The following SLC7A6 variants were observed in gnomAD, a reference collection of about 807,000 sequenced individuals.
SLC7A6 encodes Y+L amino acid transporter 2.
In SLC7A6, 29 loss-of-function variants were observed where a neutral mutation model predicts 46.6. The observed-to-expected ratio is 0.62, with a 90% CI of 0.46 to 0.85. The LOEUF (loss-of-function observed/expected upper bound fraction) is 0.85, where lower values mean the gene tolerates loss of function less well. SLC7A6 is among the 40% of genes least tolerant of loss of function. The probability of loss-of-function intolerance (pLI) is 0.00; values close to 1 mark genes in which losing one functional copy is unlikely to be tolerated. For missense variants in SLC7A6, 527 were observed against 647.6 expected, an observed-to-expected ratio of 0.81 and a Z score of 2.02; for synonymous variants, 276 against 257.3, an observed-to-expected ratio of 1.07 and a Z score of -0.70.
In SLC7A6 at chr16:68,290,393, C is replaced by A; in HGVS notation, c.650-3C>A. On this transcript the variant is annotated splice_region_variant and splice_polypyrimidine_tract_variant and intron_variant, in intron 4 of 10. Transcript: ENST00000219343. ...AACCCCTCACCTGCCTTTGCCCCCACAGGACACTCTGAGCACTTTCAGGAC... is the reference window on the plus strand; with the variant it reads ...AACCCCTCACCTGCCTTTGCCCCCAAAGGACACTCTGAGCACTTTCAGGAC... The A allele has an allele frequency of 1.2e-6, 2 of 1,613,992 alleles. No individual in the cohort carries two copies. Among genetic ancestry groups the A allele is most frequent in the Non-Finnish European group, 1.7e-6 (2 of 1,180,010 alleles).
intron 2 of SLC7A6, among the ~76,000 whole-genome samples, chr16:68,272,739 C>T (rs963606723): frequency 6.6e-6 from 1 of 152,182 alleles, no homozygotes; most frequent in African/African-American, 2.4e-5. Context: ...CTCAATCCCT[C>T]CTCCCAGCTA....
chr16:68,295,965 C>G (rs558249756), intron 8 of SLC7A6, among the ~76,000 whole-genome samples: 1 of 152,238 alleles, frequency 6.6e-6, no homozygotes. Flanking sequence ...GGCCTGAGGA[C>G]AGTGAGATGG....
In SLC7A6 at chr16:68,294,816, G is replaced by C. The variant is rs1198441020; in HGVS notation, c.1119+15G>C. On this transcript the variant is annotated intron_variant, in intron 8 of 10. Coordinates refer to ENST00000219343, the MANE Select transcript of SLC7A6 (RefSeq NM_003983.6). ...TACTGTTCAATGTAAGCTTTGCTGGGACCACGGGGCTCAGGTGGATCTGTG... is the reference window on the plus strand; with the variant it reads ...TACTGTTCAATGTAAGCTTTGCTGGCACCACGGGGCTCAGGTGGATCTGTG... 1.9e-6 allele frequency: 3 copies of C among 1,576,280 alleles called. No individual in the cohort carries two copies. Among genetic ancestry groups the C allele is most frequent in the Non-Finnish European group, 2.6e-6 (3 of 1,145,634 alleles).
intron 3 of SLC7A6, among the ~76,000 whole-genome samples, chr16:68,285,013 G>A (rs2042902419): frequency 6.6e-6 from 1 of 151,838 alleles, no homozygotes; most frequent in South Asian, 2.1e-4. Context: ...TGGGACTCCA[G>A]GTGTGCACCG....
In SLC7A6 at chr16:68,301,227, A is replaced by G. The variant is rs1432433710; in HGVS notation, c.*3899A>G. ...CAGCAGGGCAGTTAACTCTGGACTC[A>G]GAGCCCTCAAGGGCATGTGGCAGAA... On this transcript the variant is annotated 3_prime_UTR_variant, in exon 11 of 11. Coordinates refer to ENST00000219343, the MANE Select transcript of SLC7A6 (RefSeq NM_003983.6). 1.3e-6 allele frequency: 2 copies of G among 1,590,476 alleles called. No homozygotes were observed. Among genetic ancestry groups the G allele is most frequent in the South Asian group, 2.3e-5 (2 of 88,320 alleles).
intron 3 of SLC7A6, among the ~76,000 whole-genome samples, chr16:68,278,534 C>CG (rs2042761356): frequency 2.6e-5 from 4 of 150,962 alleles, no homozygotes; most frequent in Admixed American, 2.6e-4. Flanking sequence ...ATGCTGCCTT[C>CG]AAGCATCTGT....
chr16:68,267,594 T>TA (rs1246959889), intron 2 of SLC7A6, among the ~76,000 whole-genome samples: 1 of 152,192 alleles, frequency 6.6e-6, no homozygotes, highest in Non-Finnish European at 1.5e-5. Context: ...GAGGGGGGAA[T>TA]AAAAAGATTT....
At chr16:68,293,020 GT>G (rs1396088069) in intron 7 of SLC7A6, among the ~76,000 whole-genome samples, 3 of 152,172 alleles carry the variant, frequency 2.0e-5, no homozygotes, top group African/African-American at 4.8e-5. Context: ...ATAAGAGAGA[GT>G]TTTGTCCCGT....
intron 5 of SLC7A6, 170 bp from the exon 6 acceptor site, chr16:68,291,039 G>C: frequency 1.4e-6 from 1 of 733,696 alleles, no homozygotes; most frequent in Non-Finnish European, 2.3e-6. Flanking sequence ...AGAGAAAGTT[G>C]GGTCTTTCTC....
At chr16:68,287,306 T>C in intron 3 of SLC7A6, 1 of 1,288,106 alleles carries the variant, frequency 7.8e-7, no homozygotes, top group South Asian at 1.2e-5. Flanking sequence ...CAAAACACTG[T>C]CTCTCTAATT....
Position 68,274,698 on chromosome 16 carries a change from C to A in SLC7A6, c.-29C>A, listed in dbSNP as rs1422429935. The A allele has an allele frequency of 6.2e-7, 1 of 1,610,898 alleles. No homozygotes were observed. The highest frequency in any genetic ancestry group is 2.2e-5 in the East Asian group (1 of 44,816). ...ACTTGTATTCTTTGCCAGGCCACAG[C>A]AAACACAGGTGTGCAGGAACCGTTT... is the stretch of plus-strand genomic sequence containing the variant. On this transcript the variant is annotated 5_prime_UTR_variant, in exon 3 of 11. Transcript: ENST00000219343.
intron 3 of SLC7A6, among the ~76,000 whole-genome samples, chr16:68,276,718 C>T (rs2042718690): frequency 6.6e-6 from 1 of 152,042 alleles, no homozygotes. Context: ...GTTTATTAGG[C>T]CAGGCATGGT....
intron 3 of SLC7A6, 109 bp from the exon 4 acceptor site, chr16:68,287,637 C>G: frequency 1.9e-6 from 3 of 1,541,034 alleles, no homozygotes; most frequent in Non-Finnish European, 2.6e-6. Flanking sequence ...GGTCCATTGG[C>G]CCCTTTGCCT....
chr16:68,292,010 T>A (rs1382727251), intron 7 of SLC7A6: 2 of 241,280 alleles, frequency 8.3e-6, no homozygotes, highest in South Asian at 1.3e-4. Flanking sequence ...TGGTAGCTCA[T>A]GTTTCCATCT....
chr16:68,275,582 C>G (rs1423459063), intron 3 of SLC7A6, among the ~76,000 whole-genome samples: 1 of 78,312 alleles, frequency 1.3e-5, no homozygotes, highest in Non-Finnish European at 2.4e-5. Context: ...GCAACAAGAG[C>G]AAAACTCTGT....
At chr16:68,289,838 G>T (rs1054700671) in intron 4 of SLC7A6, among the ~76,000 whole-genome samples, 1 of 152,152 alleles carries the variant, frequency 6.6e-6, no homozygotes, top group Non-Finnish European at 1.5e-5. Flanking sequence ...CATAGCTACC[G>T]CAAGTAGAGC....
intron 8 of SLC7A6, among the ~76,000 whole-genome samples, chr16:68,295,774 A>T (rs2043152491): frequency 6.6e-6 from 1 of 152,326 alleles, no homozygotes; most frequent in South Asian, 2.1e-4. Flanking sequence ...ATGCTGTCTT[A>T]TGTCTGGATG....
Position 68,301,657 on chromosome 16 carries a change from CT to C in SLC7A6, c.*4330del. 1 of 312,056 alleles carries C rather than the reference CT, an allele frequency of 3.2e-6. No homozygotes were observed. The highest frequency in any genetic ancestry group is 5.9e-5 in the East Asian group (1 of 17,040). 19.3% of individuals were successfully genotyped at this position (312,056 alleles called of 1,614,324 possible). A position where few individuals can be genotyped will look rare whatever the true frequency, so the allele number is the denominator to read the frequency against. On this transcript the variant is annotated 3_prime_UTR_variant, in exon 11 of 11. Coordinates refer to ENST00000219343, the MANE Select transcript of SLC7A6 (RefSeq NM_003983.6). The stretch of plus-strand genomic sequence containing the variant: ...CGTGGAGTATTTTGTCACTTCTCCC[CT>C]CCGTATAGGATTTTTTGTTGTTGTA...
chr16:68,290,331 C>T (rs924207784), intron 4 of SLC7A6, 65 bp from the exon 5 acceptor site: 1 of 1,560,462 alleles, frequency 6.4e-7, no homozygotes, highest in African/African-American at 1.4e-5. Flanking sequence ...CCTCCCATCT[C>T]CTCTTCCTTT....
Sources: allele counts gnomAD v4.1 joint callset (sites outside exome capture counted in the v4.1 genomes callset), GRCh38; gene constraint gnomAD v4.1.1; transcripts MANE v1.5; gene names NCBI Gene and HGNC (gene_info 2026-07-23, HGNC 2026-07-21).